Variants in DNAH5 observed in about 807,000 individuals in gnomAD.
DNAH5 encodes the protein axonemal beta dynein heavy chain 5.
In DNAH5, 372 loss-of-function variants were observed where a neutral mutation model predicts 518.2. The observed-to-expected ratio is 0.72, with a 90% CI of 0.66 to 0.78. DNAH5 has a LOEUF of 0.78. DNAH5 is among the 30% of genes least tolerant of loss of function. DNAH5 has a pLI of 0.00. For synonymous variants in DNAH5, 2,039 were observed against 2,025.9 expected (o/e 1.01, Z -0.17); for missense variants, 5,523 against 5,687.0 (o/e 0.97, Z 0.93).
intron 47 of DNAH5, among the ~76,000 whole-genome samples, chr5:13,805,067 G>A (rs1759370570): frequency 6.6e-6 from 1 of 152,134 alleles, no homozygotes; most frequent in Non-Finnish European, 1.5e-5. Flanking sequence ...TTTCCTGAGT[G>A]ATAGAAAGGA....
chr5:13,844,628 T>G (rs1285365646), intron 32 of DNAH5, among the ~76,000 whole-genome samples: 2 of 151,854 alleles, frequency 1.3e-5, no homozygotes, highest in Non-Finnish European at 2.9e-5. Context: ...AACTAGCATT[T>G]TTTTTAATTT....
In DNAH5 at chr5:13,753,341, A is replaced by C. The variant is rs1260916379; in HGVS notation, c.10764T>G (p.Ile3588Met). 1 of 1,613,914 alleles carries C rather than the reference A, an allele frequency of 6.2e-7. No homozygotes were observed. The highest frequency in any genetic ancestry group is 8.5e-7 in the Non-Finnish European group (1 of 1,179,910). The change falls in exon 63 of 79, where the codon ATT (isoleucine) becomes ATG (methionine). Residue 3588 changes from isoleucine (I) to methionine (M), a missense_variant. Transcript: ENST00000265104. ...CCTTCGTGACAATAATTCCATTTTGAATGGACAAGTCATCATTTGGCAGAC... is the reference window on the plus strand; with the variant it reads ...CCTTCGTGACAATAATTCCATTTTGCATGGACAAGTCATCATTTGGCAGAC... ...LQGLPNDDLSIQNGIIVTKAS... is the reference protein window; with the variant it reads ...LQGLPNDDLSMQNGIIVTKAS...
chr5:13,722,255 C>G (rs1250498001), intron 70 of DNAH5, among the ~76,000 whole-genome samples: 1 of 152,182 alleles, frequency 6.6e-6, no homozygotes, highest in Admixed American at 6.5e-5. Context: ...GGAGCCAGAG[C>G]TGGTTCAGTC....
intron 1 of DNAH5, among the ~76,000 whole-genome samples, chr5:13,996,980 A>T (rs1378201894): frequency 6.6e-6 from 1 of 152,024 alleles, no homozygotes; most frequent in Non-Finnish European, 1.5e-5. Flanking sequence ...CCCAGACTCC[A>T]ACACTCTCCA....
At chr5:13,790,466 A>G (rs1756789369) in intron 50 of DNAH5, among the ~76,000 whole-genome samples, 1 of 152,210 alleles carries the variant, frequency 6.6e-6, no homozygotes, top group Non-Finnish European at 1.5e-5. Context: ...CAAATACTGC[A>G]TGATATGTCC....
chr5:13,974,526 C>T (rs779823738), intron 1 of DNAH5, among the ~76,000 whole-genome samples: 15 of 152,158 alleles, frequency 9.9e-5, no homozygotes, highest in Non-Finnish European at 2.2e-4. Flanking sequence ...TTTTAATGAA[C>T]TTGTCTCATC....
intron 5 of DNAH5, 44 bp from the exon 6 acceptor site, chr5:13,920,661 AAC>A (rs1442243590): frequency 1.9e-6 from 3 of 1,610,214 alleles, no homozygotes; most frequent in Admixed American, 3.3e-5. Context: ...GCTTTTGTAA[AAC>A]ACACAGACTG....
chr5:13,863,139 A>G lies in DNAH5; in HGVS notation c.4597-392T>C, dbSNP rs144418461. ...ATGCAGCATGTGAATGAACACAGGT[A>G]GCAGAAACCTGATTCTCCCATGGCT... On this transcript the variant is annotated intron_variant, in intron 28 of 78. Transcript: ENST00000265104. Among the ~76,000 whole-genome samples the G allele has an allele frequency of 6.3e-3, 964 of 152,288 alleles. 8 individuals carry two copies. The highest frequency in any genetic ancestry group is 0.014 in the Middle Eastern group (4 of 294).
In DNAH5 at chr5:13,753,436, A is replaced by T; in HGVS notation, c.10669T>A (p.Phe3557Ile). Residue 3557 changes from phenylalanine to isoleucine, a missense_variant, in exon 63 of 79, where the codon TTT (phenylalanine) becomes ATT (isoleucine). Phe to Ile is a conservative substitution (Grantham distance 21, BLOSUM62 0). Coordinates refer to ENST00000265104, the MANE Select transcript of DNAH5 (RefSeq NM_001369.3). ...RKEMKARKIP[F>I]GKNLNLSEML... Reference sequence around the variant, plus strand: ...TCACTGAGATTTAGGTTCTTTCCAAATGGAATTTTCCGGGCTTTCATTTCC... The same window carrying T: ...TCACTGAGATTTAGGTTCTTTCCAATTGGAATTTTCCGGGCTTTCATTTCC... 1 of 1,614,110 alleles carries T rather than the reference A, an allele frequency of 6.2e-7. No individual in the cohort carries two copies.
chr5:13,798,668 A>T (rs1409299313), intron 47 of DNAH5, among the ~76,000 whole-genome samples: 1 of 145,878 alleles, frequency 6.9e-6, no homozygotes, highest in African/African-American at 2.5e-5. Flanking sequence ...AAAAAAGCAA[A>T]ACTCTATACA....
Position 13,788,732 on chromosome 5 carries a change from AT to A in DNAH5, c.8630del (p.Asp2877ValfsTer30). The A allele has an allele frequency of 6.2e-7, 1 of 1,614,062 alleles. No individual in the cohort carries two copies. The highest frequency in any genetic ancestry group is 8.5e-7 in the Non-Finnish European group (1 of 1,179,960). On this transcript the variant is annotated frameshift_variant, in exon 51 of 79. Coordinates refer to ENST00000265104, the MANE Select transcript of DNAH5 (RefSeq NM_001369.3). LOFTEE classifies it high-confidence loss of function. ...IDTYFVDFLRDAPEAAGETSE... is the reference protein window; with the variant it reads ...IDTYFVDFLRXAPEAAGETSE... ...ATAGTTTACCTGCAGCTTCAGGTGC[AT>A]CTCTCAAGAAATCCACAAAATATGT...
chr5:13,744,253 T>G lies in DNAH5; in HGVS notation c.11212-6758A>C, dbSNP rs547623007. 3.9e-5 allele frequency among the ~76,000 whole-genome samples: 6 copies of G among 152,058 alleles called. No individual in the cohort carries two copies. The South Asian group carries it at 1.2e-3, about 32-fold the overall frequency. Reference sequence around the variant, plus strand: ...GGAACAGAAAGTAAAACACTACATATTCTCACTCACATATGTAAGCTAAAA... The same window carrying G: ...GGAACAGAAAGTAAAACACTACATAGTCTCACTCACATATGTAAGCTAAAA... On this transcript the variant is annotated intron_variant, in intron 65 of 78. Coordinates refer to ENST00000265104, the MANE Select transcript of DNAH5 (RefSeq NM_001369.3).
intron 24 of DNAH5, among the ~76,000 whole-genome samples, chr5:13,869,051 G>A (rs762498082): frequency 6.6e-6 from 1 of 152,118 alleles, no homozygotes; most frequent in African/African-American, 2.4e-5. Flanking sequence ...CTTCATACTT[G>A]AGGGTATCCC....
intron 59 of DNAH5, among the ~76,000 whole-genome samples, chr5:13,764,805 C>T (rs1387039033): frequency 6.6e-6 from 1 of 152,126 alleles, no homozygotes; most frequent in Non-Finnish European, 1.5e-5. Flanking sequence ...ATCAAAAGTA[C>T]AAGGGACAAA....
At chr5:13,919,765 G>T (rs764209234) in intron 6 of DNAH5, among the ~76,000 whole-genome samples, 1 of 152,126 alleles carries the variant, frequency 6.6e-6, no homozygotes, top group Non-Finnish European at 1.5e-5. Context: ...TCATTTCTAC[G>T]TGTGGGTAAC....
At chr5:13,878,560 C>G (rs969950941) in intron 21 of DNAH5, among the ~76,000 whole-genome samples, 1 of 152,134 alleles carries the variant, frequency 6.6e-6, no homozygotes, top group African/African-American at 2.4e-5. Flanking sequence ...TCTGGCTCCC[C>G]TAGTGATAAG....
Position 13,758,953 on chromosome 5 carries a change from G to A in DNAH5, c.10312C>T (p.Leu3438Phe), listed in dbSNP as rs1165709485. ...ANLVVQENRH[L>F]LAMQDLQKAQ... ...TTCTGCAGATCCTGCATGGCCAGGA[G>A]ATGGCGATTCTCTTGCACCACCAAG... is the stretch of plus-strand genomic sequence containing the variant. The change falls in exon 61 of 79, where the codon CTC becomes TTC. Residue 3438 changes from leucine (L) to phenylalanine (F), a missense_variant. By Grantham distance (22) the Leu-to-Phe change is conservative (BLOSUM62 0). This residue lies in a region of DNAH5 where 5,121 missense variants were observed against 5,223.3 expected (regional missense o/e 0.98). Coordinates refer to ENST00000265104, the MANE Select transcript of DNAH5 (RefSeq NM_001369.3). 6 of 1,614,062 alleles carry A rather than the reference G, an allele frequency of 3.7e-6. No homozygotes were observed. Among genetic ancestry groups the A allele is most frequent in the African/African-American group, 1.3e-5 (1 of 74,938 alleles).
At chr5:13,888,075 G>A (rs770123650) in intron 17 of DNAH5, among the ~76,000 whole-genome samples, 6 of 152,126 alleles carry the variant, frequency 3.9e-5, no homozygotes, top group African/African-American at 1.2e-4. Flanking sequence ...GTCATGACAC[G>A]GGGACTCAAA....
In DNAH5 at chr5:13,824,254, T is replaced by C; in HGVS notation, c.6524A>G (p.Asp2175Gly). Reference protein sequence around the residue: ...LGAAKRANPMDTESTIVMRVL... With the variant: ...LGAAKRANPMGTESTIVMRVL... ...ACGCATGACAATCGTGGACTCCGTATCCATTGGATTGGCTCTTTTTGCTGC... is the reference window on the plus strand; with the variant it reads ...ACGCATGACAATCGTGGACTCCGTACCCATTGGATTGGCTCTTTTTGCTGC... The change falls in exon 39 of 79, where the codon GAT (aspartate) becomes GGT (glycine). Residue 2175 changes from aspartate to glycine, a missense_variant. Asp to Gly is a moderately conservative substitution (Grantham distance 94, BLOSUM62 -1). Transcript: ENST00000265104. 2 of 1,614,122 alleles carry C rather than the reference T, an allele frequency of 1.2e-6. No individual in the cohort carries two copies. The highest frequency in any genetic ancestry group is 1.6e-4 in the Middle Eastern group (1 of 6,062).
Sources: allele counts gnomAD v4.1 joint callset (sites outside exome capture counted in the v4.1 genomes callset), GRCh38; gene constraint gnomAD v4.1.1; regional missense constraint gnomAD v4.1.1; transcripts MANE v1.5; gene names NCBI Gene and HGNC (gene_info 2026-07-23, HGNC 2026-07-21).